Variants in COL4A3 observed in about 807,000 individuals in gnomAD.
COL4A3 encodes collagen alpha-3(IV) chain.
A neutral mutation model predicts 217.4 loss-of-function variants in COL4A3; 135 were observed. The observed-to-expected ratio is 0.62, with a 90% CI of 0.54 to 0.72. The LOEUF (loss-of-function observed/expected upper bound fraction) is 0.72. Among genes scored for constraint, COL4A3 ranks in the 30% least tolerant of loss-of-function variants. The probability of loss-of-function intolerance (pLI) is 0.00; values close to 1 mark genes in which losing one functional copy is unlikely to be tolerated. For synonymous variants in COL4A3, 690 were observed against 736.3 expected, an observed-to-expected ratio of 0.94 and a Z score of 1.02; for missense variants, 1,868 against 2,119.9, an observed-to-expected ratio of 0.88 and a Z score of 2.33.
At chr2:227,231,926 C>A (rs956331528) in intron 1 of COL4A3, among the ~76,000 whole-genome samples, 1 of 151,796 alleles carries the variant, frequency 6.6e-6, no homozygotes, top group Non-Finnish European at 1.5e-5. Context: ...TTTTTTGTAC[C>A]CATTAATCAT....
intron 42 of COL4A3, 48 bp from the exon 43 acceptor site, chr2:227,298,634 T>TTCCAAGC: frequency 1.2e-6 from 2 of 1,611,204 alleles, no homozygotes; most frequent in Non-Finnish European, 8.5e-7. Flanking sequence ...AAATAGAACC[T>TTCCAAGC]TCCAAGCTCC....
intron 25 of COL4A3, among the ~76,000 whole-genome samples, chr2:227,271,661 G>A (rs747875996): frequency 1.3e-5 from 2 of 151,794 alleles, no homozygotes; most frequent in Non-Finnish European, 2.9e-5. Flanking sequence ...CAGTAGAGAC[G>A]GGGTTTCACC....
At chr2:227,189,917 G>A (rs1559806151) in intron 1 of COL4A3, among the ~76,000 whole-genome samples, 1 of 152,060 alleles carries the variant, frequency 6.6e-6, no homozygotes, top group Non-Finnish European at 1.5e-5. Flanking sequence ...ATGAAGACAA[G>A]CCATTTCTAC....
At position 227,302,955 on chromosome 2, in the gene COL4A3, C is replaced by T. The variant is rs1432455611; in HGVS notation, c.3883-83C>T. 2.0e-5 allele frequency: 17 copies of T among 833,038 alleles called. No individual in the cohort carries two copies. The East Asian group carries it at 4.1e-4, about 20-fold the overall frequency. The allele number at this position is 833,038 out of a possible 1,614,324, so 51.6% of individuals were successfully genotyped here. A position where few individuals can be genotyped will look rare whatever the true frequency, so the allele number is the denominator to read the frequency against. On this transcript the variant is annotated intron_variant, in intron 43 of 51. Transcript: ENST00000396578. ...TTCTCACCCAACATAATATTATACC[C>T]TATTTGCATTTTTAAAAAACTGCTG...
intron 43 of COL4A3, among the ~76,000 whole-genome samples, chr2:227,299,355 A>C (rs2073179399): frequency 6.6e-6 from 1 of 152,168 alleles, no homozygotes; most frequent in South Asian, 2.1e-4. Flanking sequence ...AGATAGCGCC[A>C]CTGCACTCCA....
chr2:227,297,565 C>A, intron 41 of COL4A3, 109 bp from the exon 42 acceptor site: 2 of 955,730 alleles, frequency 2.1e-6, no homozygotes, highest in Non-Finnish European at 3.2e-6. Context: ...AACATATATT[C>A]TGAATCTGAA....
At chr2:227,249,231 T>TATATATATATA (rs71036175) in intron 9 of COL4A3, among the ~76,000 whole-genome samples, 30 of 19,480 alleles carry the variant, frequency 1.5e-3, no homozygotes, top group Non-Finnish European at 2.6e-3. Context: ...TATATATATA[T>TATATATATATA]TTTTTTTTTT....
chr2:227,252,068 C>CAAAAAA (rs796320850), intron 11 of COL4A3, among the ~76,000 whole-genome samples: 9 of 34,812 alleles, frequency 2.6e-4, no homozygotes, highest in Admixed American at 1.1e-3. Context: ...GGCACCATCT[C>CAAAAAA]AAAAAAAAAA....
intron 1 of COL4A3, among the ~76,000 whole-genome samples, chr2:227,176,781 T>C (rs1334801685): frequency 6.6e-6 from 1 of 152,222 alleles, no homozygotes; most frequent in African/African-American, 2.4e-5. Context: ...TCTGCAATAT[T>C]CTTTCTCTGT....
At chr2:227,294,461 T>C (rs2072933920) in intron 38 of COL4A3, 29 bp from the exon 39 acceptor site, 2 of 1,433,270 alleles carry the variant, frequency 1.4e-6, no homozygotes, top group South Asian at 2.3e-5. Context: ...GGTGATCTTT[T>C]TTCTTCCTTC....
chr2:227,266,592 A>G, intron 22 of COL4A3, 83 bp downstream of exon 22: 5 of 996,194 alleles, frequency 5.0e-6, no homozygotes, highest in Non-Finnish European at 7.9e-6. Context: ...TGAGATAACA[A>G]TGATCCCAAA....
At chr2:227,260,163 T>C in intron 19 of COL4A3, 2 of 571,016 alleles carry the variant, frequency 3.5e-6, no homozygotes, top group South Asian at 3.1e-5. Context: ...TGCAAGGCAT[T>C]GGCAATCTCA....
rs1488057280 is a variant in COL4A3, at chr2:227,268,562, CTG to C, written c.1505-1345_1505-1344del. 2.0e-5 allele frequency: 3 copies of C among 152,312 alleles called. No homozygotes were observed. The East Asian group carries it at 5.8e-4, about 29-fold the overall frequency. 9.4% of individuals were successfully genotyped at this position (152,312 alleles called of 1,614,324 possible). On this transcript the variant is annotated intron_variant, in intron 23 of 51. Coordinates refer to ENST00000396578, the MANE Select transcript of COL4A3 (RefSeq NM_000091.5). ...AGACTAATGGCGGCAGCCGTGAACA[CTG>C]TGGTCAGCCACTGGATGACATGCAC...
chr2:227,281,283 T>C (rs1452895966), intron 31 of COL4A3, among the ~76,000 whole-genome samples: 3 of 152,222 alleles, frequency 2.0e-5, no homozygotes, highest in Non-Finnish European at 2.9e-5. Flanking sequence ...TTGGTGTGTG[T>C]TTACATATAT....
chr2:227,206,717 T>C (rs953155671), intron 1 of COL4A3, among the ~76,000 whole-genome samples: 4 of 152,182 alleles, frequency 2.6e-5, no homozygotes, highest in Non-Finnish European at 5.9e-5. Context: ...GTGATTTGTA[T>C]GCACGTGGAG....
chr2:227,213,075 T>C (rs1431779440), intron 1 of COL4A3, among the ~76,000 whole-genome samples: 1 of 152,220 alleles, frequency 6.6e-6, no homozygotes, highest in East Asian at 1.9e-4. Flanking sequence ...AATAGCTACT[T>C]CCTTTCATCC....
chr2:227,171,678 G>A (rs1411464268), intron 1 of COL4A3, among the ~76,000 whole-genome samples: 1 of 152,138 alleles, frequency 6.6e-6, no homozygotes, highest in Non-Finnish European at 1.5e-5. Context: ...TGGTGAATCC[G>A]TGTGGGTCTG....
chr2:227,258,214 A>C (rs1036724183), intron 18 of COL4A3, among the ~76,000 whole-genome samples: 3 of 152,166 alleles, frequency 2.0e-5, no homozygotes, highest in African/African-American at 7.2e-5. Context: ...CCTACCTCAA[A>C]AAACAGTGGT....
At chr2:227,240,078 T>G in intron 2 of COL4A3, 65 bp from the exon 3 acceptor site, 2 of 1,224,352 alleles carry the variant, frequency 1.6e-6, no homozygotes, top group Non-Finnish European at 2.4e-6. Flanking sequence ...ATAATGGTTA[T>G]TGGTGTGTTT....
Sources: allele counts gnomAD v4.1 joint callset (sites outside exome capture counted in the v4.1 genomes callset), GRCh38; gene constraint gnomAD v4.1.1; transcripts MANE v1.5; gene names NCBI Gene and HGNC (gene_info 2026-07-23, HGNC 2026-07-21).